LRP6: variants seen among roughly 807,000 people sequenced by gnomAD.
LRP6 encodes LDL receptor related protein 6, also known as low-density lipoprotein receptor-related protein 6.
Under a neutral mutation model 184.1 loss-of-function variants are expected in LRP6, and 43 were observed. The ratio of observed to expected loss-of-function variants is 0.23; its 90% confidence interval spans 0.18 to 0.30. LRP6 has a LOEUF of 0.30. Among genes scored for constraint, LRP6 ranks in the 10% least tolerant of loss-of-function variants. The pLI is 1.00. For missense variants in LRP6, 1,571 were observed against 2,005.3 expected (o/e 0.78, Z 4.14); for synonymous variants, 719 against 684.9 (o/e 1.05, Z -0.78).
At chr12:12,203,806 C>T (rs1051806280) in intron 2 of LRP6, among the ~76,000 whole-genome samples, 6 of 152,122 alleles carry the variant, frequency 3.9e-5, no homozygotes, top group Non-Finnish European at 8.8e-5. Flanking sequence ...AAAAACACCT[C>T]ATTTTAGGGA....
In LRP6 at chr12:12,135,235, T is replaced by C; in HGVS notation, c.3673A>G (p.Thr1225Ala). 1.2e-6 allele frequency: 2 copies of C among 1,613,808 alleles called. No individual in the cohort carries two copies. Among genetic ancestry groups the C allele is most frequent in the South Asian group, 2.2e-5 (2 of 91,078 alleles). The change falls in exon 17 of 23, where the codon ACT (threonine) becomes GCT (alanine). Residue 1225 changes from threonine to alanine, a missense_variant. Thr to Ala is a moderately conservative substitution (Grantham distance 58). Transcript: ENST00000261349. ...SHICLVKGDG[T>A]TRCSCPMHLV... ...TGCATGGGGCAAGAACACCTTGTAG[T>C]ACCATCCCCCTTTACAAGACAAATA...
chr12:12,196,684 T>C (rs780201084), intron 3 of LRP6, among the ~76,000 whole-genome samples: 13 of 152,170 alleles, frequency 8.5e-5, no homozygotes, highest in Non-Finnish European at 1.8e-4. Context: ...TTCATTTATA[T>C]GTCCAGATCT....
chr12:12,190,940 C>G lies in LRP6; in HGVS notation c.648-3821G>C, dbSNP rs1863596472. On this transcript the variant is annotated intron_variant, in intron 3 of 22. Transcript: ENST00000261349. ...CCCCAAATCCCATGGACAACATTCA[C>G]AACAAAGCTAGGTAAAACCCAAGAT... Among the ~76,000 whole-genome samples, 3 of 152,144 alleles carry G rather than the reference C, an allele frequency of 2.0e-5. No individual in the cohort carries two copies. In the South Asian group the frequency reaches 6.2e-4, roughly 31 times the overall value.
At chr12:12,187,529 G>T (rs1304600858) in intron 3 of LRP6, 2 of 246,056 alleles carry the variant, frequency 8.1e-6, no homozygotes, top group East Asian at 1.9e-4. Context: ...AATCACAGGG[G>T]TTACAGTTGG....
At chr12:12,250,917 T>C (rs927800026) in intron 1 of LRP6, among the ~76,000 whole-genome samples, 3 of 149,996 alleles carry the variant, frequency 2.0e-5, no homozygotes, top group Non-Finnish European at 4.4e-5. Flanking sequence ...CCAACGCACC[T>C]GGCTTGATTT....
At chr12:12,260,817 T>C (rs944692950) in intron 1 of LRP6, among the ~76,000 whole-genome samples, 4 of 152,232 alleles carry the variant, frequency 2.6e-5, no homozygotes, top group Non-Finnish European at 5.9e-5. Context: ...GTCTTTCTGC[T>C]ATAGTACCTT....
At chr12:12,214,169 C>G (rs1029901714) in intron 2 of LRP6, among the ~76,000 whole-genome samples, 4 of 151,930 alleles carry the variant, frequency 2.6e-5, no homozygotes, top group African/African-American at 9.7e-5. Flanking sequence ...AACACATTTT[C>G]AAAAATATGT....
At chr12:12,248,494 T>C (rs2135925556) in intron 1 of LRP6, among the ~76,000 whole-genome samples, 1 of 140,120 alleles carries the variant, frequency 7.1e-6, no homozygotes, top group Non-Finnish European at 1.5e-5. Flanking sequence ...TTTTTTTTTT[T>C]TTTTTGAGAT....
intron 1 of LRP6, among the ~76,000 whole-genome samples, chr12:12,266,105 TCGACCTATAACCC>T (rs1316920425): frequency 1.3e-5 from 2 of 152,176 alleles, no homozygotes; most frequent in African/African-American, 4.8e-5. Flanking sequence ...GCTGAAACGC[TCGACCTATAACCC>T]CGGAGTCACT....
At chr12:12,170,052 C>G (rs1052402019) in intron 7 of LRP6, among the ~76,000 whole-genome samples, 2 of 152,012 alleles carry the variant, frequency 1.3e-5, no homozygotes, top group Non-Finnish European at 2.9e-5. Context: ...CAAAACATGC[C>G]AGGAGAATGT....
intron 3 of LRP6, among the ~76,000 whole-genome samples, chr12:12,201,896 GT>G (rs1250554958): frequency 2.0e-5 from 3 of 152,088 alleles, no homozygotes. Flanking sequence ...ATTACAAAAA[GT>G]TTAACTGAAT....
chr12:12,228,019 C>T (rs920736147), intron 2 of LRP6, among the ~76,000 whole-genome samples: 5 of 152,126 alleles, frequency 3.3e-5, no homozygotes, highest in African/African-American at 1.2e-4. Flanking sequence ...GGTACCAAAT[C>T]CTCATTTGGC....
At chr12:12,215,602 C>T (rs926175550) in intron 2 of LRP6, among the ~76,000 whole-genome samples, 5 of 151,798 alleles carry the variant, frequency 3.3e-5, no homozygotes, top group Non-Finnish European at 7.4e-5. Context: ...CCGCCCGCCT[C>T]GGCCTCCCAA....
chr12:12,202,658 A>AT (rs1171484371), intron 3 of LRP6, among the ~76,000 whole-genome samples: 3 of 152,266 alleles, frequency 2.0e-5, no homozygotes, highest in Non-Finnish European at 4.4e-5. Flanking sequence ...ACCGGAGATC[A>AT]TAAGCCTAAA....
intron 19 of LRP6, among the ~76,000 whole-genome samples, chr12:12,127,354 C>T (rs141629175): frequency 9.2e-5 from 14 of 152,296 alleles, no homozygotes; most frequent in Non-Finnish European, 1.5e-4. Context: ...CTAGAAAAGT[C>T]ATCAAATGTT....
In LRP6 at chr12:12,149,071, C is replaced by T. The variant is rs146852380; in HGVS notation, c.3077G>A (p.Arg1026His). ...AGCCTCACAAGTCCAGTAGATGTAG[C>T]GGCTGTAAATATCAATGCTGAGGTC... ...PYDLSIDIYS[R>H]YIYWTCEATN... The change falls in exon 14 of 23, where the codon CGC becomes CAC. Residue 1026 changes from arginine to histidine, a missense_variant. By Grantham distance (29) the Arg-to-His change is conservative. Transcript: ENST00000261349. 6.1e-5 allele frequency: 98 copies of T among 1,613,918 alleles called. No individual in the cohort carries two copies. Among genetic ancestry groups the T allele is most frequent in the South Asian group, 5.6e-4 (51 of 91,060 alleles).
intron 2 of LRP6, among the ~76,000 whole-genome samples, chr12:12,235,108 A>G (rs917677821): frequency 3.3e-5 from 5 of 152,232 alleles, no homozygotes; most frequent in Admixed American, 6.5e-5. Context: ...ATTGTTTCAC[A>G]TAACACCAAA....
chr12:12,250,316 C>G (rs1278189116), intron 1 of LRP6, among the ~76,000 whole-genome samples: 1 of 152,148 alleles, frequency 6.6e-6, no homozygotes, highest in African/African-American at 2.4e-5. Context: ...ACATCACACC[C>G]ATCATTGCAG....
chr12:12,192,229 A>G (rs998529383), intron 3 of LRP6, among the ~76,000 whole-genome samples: 10 of 152,066 alleles, frequency 6.6e-5, no homozygotes, highest in African/African-American at 2.4e-4. Context: ...CACAAAGTAG[A>G]TTTTGACAAA....
Sources: gnomAD v4.1 joint callset for allele counts (sites outside exome capture counted in the v4.1 genomes callset) on GRCh38, gnomAD v4.1.1 for gene constraint, MANE v1.5 for transcripts, NCBI Gene and HGNC (gene_info 2026-07-23, HGNC 2026-07-21) for gene names.